The following KCNIP1 variants were observed in gnomAD, a reference collection of about 807,000 sequenced individuals.
KCNIP1 encodes potassium voltage-gated channel interacting protein 1, also known as A-type potassium channel modulatory protein KCNIP1.
A neutral mutation model predicts 33.0 loss-of-function variants in KCNIP1; 18 were observed. That is an observed-to-expected ratio of 0.55 (90% confidence interval 0.38 to 0.81). KCNIP1 has a LOEUF of 0.81. Among genes scored for constraint, KCNIP1 ranks in the 30% least tolerant of loss-of-function variants. The probability of loss-of-function intolerance (pLI) is 0.00; values close to 1 mark genes in which losing one functional copy is unlikely to be tolerated. For synonymous variants in KCNIP1, 93 were observed against 98.3 expected, an observed-to-expected ratio of 0.95 and a Z score of 0.32; for missense variants, 238 against 271.6, an observed-to-expected ratio of 0.88 and a Z score of 0.87.
At chr5:170,355,642 G>A (rs1420741882) in intron 1 of KCNIP1, among the ~76,000 whole-genome samples, 3 of 152,230 alleles carry the variant, frequency 2.0e-5, no homozygotes, top group African/African-American at 7.2e-5. Flanking sequence ...CATCTAAGCT[G>A]AGATGAGGAG....
At chr5:170,558,253 C>T (rs1019173876) in intron 1 of KCNIP1, among the ~76,000 whole-genome samples, 1 of 152,230 alleles carries the variant, frequency 6.6e-6, no homozygotes, top group Non-Finnish European at 1.5e-5. Flanking sequence ...AAGGCTTAAA[C>T]TGAGCCCGTA....
chr5:170,452,984 C>G (rs1399991731), intron 1 of KCNIP1, among the ~76,000 whole-genome samples: 1 of 152,084 alleles, frequency 6.6e-6, no homozygotes, highest in Admixed American at 6.6e-5. Context: ...ATATTAGAAG[C>G]CTTCTTGAGG....
chr5:170,395,811 C>T (rs537170549), intron 1 of KCNIP1, among the ~76,000 whole-genome samples: 2 of 152,306 alleles, frequency 1.3e-5, no homozygotes, highest in African/African-American at 4.8e-5. Flanking sequence ...TTGGGACCTA[C>T]GAAGAGGGTG....
At chr5:170,510,139 C>G (rs191157040) in intron 1 of KCNIP1, among the ~76,000 whole-genome samples, 14 of 152,352 alleles carry the variant, frequency 9.2e-5, no homozygotes, top group Admixed American at 9.2e-4. Context: ...TCAATGCCAC[C>G]GCTCTGGGAA....
chr5:170,533,352 C>T (rs533429951), intron 1 of KCNIP1, among the ~76,000 whole-genome samples: 2 of 152,206 alleles, frequency 1.3e-5, no homozygotes, highest in South Asian at 4.1e-4. Flanking sequence ...TTCTGATTCG[C>T]GGCATTGTTG....
intron 1 of KCNIP1, among the ~76,000 whole-genome samples, chr5:170,532,384 C>T (rs1211656751): frequency 6.6e-6 from 1 of 152,214 alleles, no homozygotes. Context: ...CCTTGGTCCT[C>T]AGTCTTCTTT....
chr5:170,701,105 C>T (rs1227941790), intron 1 of KCNIP1, among the ~76,000 whole-genome samples: 3 of 152,060 alleles, frequency 2.0e-5, no homozygotes, highest in Non-Finnish European at 2.9e-5. Context: ...AAAAATGTTC[C>T]AACCAGTAAT....
At position 170,722,817 on chromosome 5, in the gene KCNIP1, A is replaced by G; in HGVS notation, c.432A>G (p.Lys144=). The change falls in exon 5 of 8, where the codon AAA becomes AAG. Residue 144 remains lysine, a synonymous_variant. Coordinates refer to ENST00000328939, the MANE Select transcript of KCNIP1 (RefSeq NM_014592.4). ...TCAACAAGGACGGATACATAAACAAAGAGGTAAGTGAGCTGGGGCCAGGGG... is the reference window on the plus strand; with the variant it reads ...TCAACAAGGACGGATACATAAACAAGGAGGTAAGTGAGCTGGGGCCAGGGG... ...YDINKDGYIN[K]EEMMDIVKAI... 6.2e-7 allele frequency: 1 copy of G among 1,606,632 alleles called. No homozygotes were observed. Among genetic ancestry groups the G allele is most frequent in the Non-Finnish European group, 8.5e-7 (1 of 1,173,378 alleles).
At chr5:170,701,583 C>T (rs900626836) in intron 1 of KCNIP1, among the ~76,000 whole-genome samples, 1 of 152,222 alleles carries the variant, frequency 6.6e-6, no homozygotes, top group Non-Finnish European at 1.5e-5. Flanking sequence ...GCTGGCCCTC[C>T]GGCTTGCTGC....
chr5:170,571,914 A>T (rs1406712912), intron 1 of KCNIP1, among the ~76,000 whole-genome samples: 3 of 152,200 alleles, frequency 2.0e-5, no homozygotes, highest in Non-Finnish European at 4.4e-5. Flanking sequence ...TGAAAAATGC[A>T]TCCCTCCTGA....
intron 1 of KCNIP1, among the ~76,000 whole-genome samples, chr5:170,390,571 A>G (rs1464873135): frequency 2.7e-5 from 4 of 146,734 alleles, no homozygotes; most frequent in Non-Finnish European, 4.5e-5. Flanking sequence ...AATCCCAGAT[A>G]TTGGGGCTTT....
chr5:170,669,760 G>A (rs1369316005), intron 1 of KCNIP1: 4 of 560,042 alleles, frequency 7.1e-6, no homozygotes, highest in South Asian at 1.6e-4. Flanking sequence ...ATTACAAAGA[G>A]CACACATTTT....
At position 170,489,322 on chromosome 5, in the gene KCNIP1, T is replaced by C. The variant is rs1301500504; in HGVS notation, c.88+135358T>C. On this transcript the variant is annotated intron_variant, in intron 1 of 7. Transcript: ENST00000377360. The surrounding 1 kb of genome is among the most constrained non-coding windows in gnomAD (Gnocchi z 4.3). ...CTATAGGCAATCAAGATTTGCACAT[T>C]GTCAGCAGAGAAGGAATGAGACTGT... Among the ~76,000 whole-genome samples the C allele has an allele frequency of 6.6e-6, 1 of 152,202 alleles. No individual in the cohort carries two copies. The highest frequency in any genetic ancestry group is 1.5e-5 in the Non-Finnish European group (1 of 68,026).
Position 170,722,751 on chromosome 5 carries a change from T to C in KCNIP1, c.366T>C (p.Thr122=). ...CTCTGTCGATTTTATTGAGAGGAAC[T>C]GTCCACGAGAAACTAAGGTGGACAT... ...VTALSILLRG[T]VHEKLRWTFN... is the part of the protein sequence containing the mutation. Residue 122 remains threonine, a synonymous_variant, in exon 5 of 8, where the codon ACT becomes ACC. Transcript: ENST00000328939. The C allele has an allele frequency of 6.2e-7, 1 of 1,613,972 alleles. No homozygotes were observed. Among genetic ancestry groups the C allele is most frequent in the Non-Finnish European group, 8.5e-7 (1 of 1,179,862 alleles).
In KCNIP1 at chr5:170,543,200, C is replaced by T. The variant is rs114815429; in HGVS notation, c.61+38567C>T. 7.4e-3 allele frequency among the ~76,000 whole-genome samples: 1,125 copies of T among 152,262 alleles called. 19 individuals carry two copies. The highest frequency in any genetic ancestry group is 0.026 in the African/African-American group (1,061 of 41,542). ...ACATATGAATACTGGGGGACATGAG[C>T]GTTCACGCCTATGTAAATACTACAC... is the stretch of plus-strand genomic sequence containing the variant. On this transcript the variant is annotated intron_variant, in intron 1 of 7. Transcript: ENST00000328939.
At chr5:170,359,165 G>A (rs866287821) in intron 1 of KCNIP1, among the ~76,000 whole-genome samples, 8 of 152,164 alleles carry the variant, frequency 5.3e-5, no homozygotes, top group Admixed American at 5.2e-4. Flanking sequence ...AGGTGTGCAG[G>A]CCCAAAGCAC....
At position 170,424,039 on chromosome 5, in the gene KCNIP1, C is replaced by T. The variant is rs115329309; in HGVS notation, c.88+70075C>T. Among the ~76,000 whole-genome samples, 1,226 of 152,342 alleles carry T rather than the reference C, an allele frequency of 8.0e-3. 12 individuals are homozygous for T. The highest frequency in any genetic ancestry group is 0.013 in the Non-Finnish European group (910 of 68,030). ...GCATGATGATTTTAAAATGTAACAG[C>T]TGCTTATGTAACCATTAGGCTGGAC... On this transcript the variant is annotated intron_variant, in intron 1 of 7. Transcript: ENST00000377360.
intron 1 of KCNIP1, among the ~76,000 whole-genome samples, chr5:170,535,991 A>G (rs1755970642): frequency 6.6e-6 from 1 of 152,182 alleles, no homozygotes; most frequent in Non-Finnish European, 1.5e-5. Context: ...GATTGATAAT[A>G]CCTACATGGT....
intron 1 of KCNIP1, among the ~76,000 whole-genome samples, chr5:170,614,201 T>C (rs961340438): frequency 9.2e-5 from 14 of 152,200 alleles, no homozygotes; most frequent in African/African-American, 3.4e-4. Flanking sequence ...GAGGAAAGCC[T>C]GATTCCCTGC....
Sources: allele counts gnomAD v4.1 joint callset (sites outside exome capture counted in the v4.1 genomes callset), GRCh38; gene constraint gnomAD v4.1.1; non-coding constraint Gnocchi (gnomAD v3.1); transcripts MANE v1.5; gene names NCBI Gene and HGNC (gene_info 2026-07-23, HGNC 2026-07-21).